SOX5: variants seen among roughly 807,000 people sequenced by gnomAD.
SOX5 encodes SRY-box transcription factor 5.
Under a neutral mutation model 92.0 loss-of-function variants are expected in SOX5, and 9 were observed. The ratio of observed to expected loss-of-function variants is 0.10; its 90% CI spans 0.06 to 0.17. SOX5 has a LOEUF of 0.17. Among genes scored for constraint, SOX5 ranks in the 10% least tolerant of loss-of-function variants. SOX5 has a pLI of 1.00. For missense variants in SOX5, 642 were observed against 944.5 expected, an observed-to-expected ratio of 0.68 and a Z score of 4.20; for synonymous variants, 344 against 336.3, an observed-to-expected ratio of 1.02 and a Z score of -0.25.
chr12:23,573,625 C>A (rs903870599), intron 10 of SOX5, among the ~76,000 whole-genome samples: 2 of 152,168 alleles, frequency 1.3e-5, no homozygotes, highest in Non-Finnish European at 2.9e-5. Context: ...TTCAAAGATA[C>A]TTTTATACTC....
chr12:23,560,155 C>T (rs781360710), intron 11 of SOX5, among the ~76,000 whole-genome samples: 6 of 152,118 alleles, frequency 3.9e-5, no homozygotes, highest in African/African-American at 7.2e-5. Context: ...GTGATCCCCC[C>T]GCCTCGGCCT....
chr12:23,814,152 G>A (rs546113808), intron 3 of SOX5, among the ~76,000 whole-genome samples: 2 of 152,272 alleles, frequency 1.3e-5, no homozygotes, highest in South Asian at 4.1e-4. Flanking sequence ...TAAAAAGAAT[G>A]AGAAAACTAG....
chr12:24,338,260 A>G (rs1456428680), intron 2 of SOX5, among the ~76,000 whole-genome samples: 16 of 152,148 alleles, frequency 1.1e-4, no homozygotes, highest in Admixed American at 1.0e-3. Context: ...ATTATTTCCT[A>G]CATTTTATAA....
At chr12:23,906,756 A>G (rs1436522742) in intron 1 of SOX5, among the ~76,000 whole-genome samples, 6 of 152,336 alleles carry the variant, frequency 3.9e-5, no homozygotes, top group Admixed American at 1.3e-4. Context: ...CATATTTAAT[A>G]TAAGTACAAT....
At chr12:24,527,086 C>T (rs1256754146) in intron 1 of SOX5, among the ~76,000 whole-genome samples, 1 of 152,136 alleles carries the variant, frequency 6.6e-6, no homozygotes, top group Non-Finnish European at 1.5e-5. Flanking sequence ...GCCACCACGC[C>T]CAGCCATATT....
At chr12:24,140,355 T>C (rs574020259) in intron 4 of SOX5, among the ~76,000 whole-genome samples, 1 of 152,252 alleles carries the variant, frequency 6.6e-6, no homozygotes, top group African/African-American at 2.4e-5. Context: ...AAAGGCATGA[T>C]GAGTGATGTG....
At chr12:24,205,014 A>G (rs888960096) in intron 4 of SOX5, among the ~76,000 whole-genome samples, 1 of 152,210 alleles carries the variant, frequency 6.6e-6, no homozygotes. Flanking sequence ...GTTGGCTTTG[A>G]TCACAACAGC....
intron 4 of SOX5, among the ~76,000 whole-genome samples, chr12:24,052,058 A>G (rs961760710): frequency 1.3e-5 from 2 of 152,126 alleles, no homozygotes; most frequent in African/African-American, 4.8e-5. Flanking sequence ...GCTATCTTCA[A>G]TAGAGCCTTA....
intron 2 of SOX5, among the ~76,000 whole-genome samples, chr12:23,881,755 A>C (rs2096992970): frequency 6.6e-6 from 1 of 152,182 alleles, no homozygotes; most frequent in Non-Finnish European, 1.5e-5. Context: ...AGGTAAGGAC[A>C]TTTTGGAGAT....
Position 23,949,658 on chromosome 12 carries a change from G to A in SOX5, c.-57C>T. 1 of 1,613,036 alleles carries A rather than the reference G, an allele frequency of 6.2e-7. No homozygotes were observed. On this transcript the variant is annotated 5_prime_UTR_variant, in exon 1 of 15. Transcript: ENST00000451604. ...CAGCCACCTATGATCGTCTCCAACT[G>A]AACCTGTCAAGTGAGTCCAAACCTT...
intron 4 of SOX5, among the ~76,000 whole-genome samples, chr12:24,063,234 TG>T (rs1332505102): frequency 6.6e-6 from 1 of 152,232 alleles, no homozygotes; most frequent in Non-Finnish European, 1.5e-5. Flanking sequence ...ACATATAGTT[TG>T]CTTCATATTT....
chr12:24,196,236 T>C (rs1388192495), intron 4 of SOX5, among the ~76,000 whole-genome samples: 1 of 152,230 alleles, frequency 6.6e-6, no homozygotes, highest in East Asian at 1.9e-4. Flanking sequence ...TTGTACTATC[T>C]GCTGTGAAGC....
intron 2 of SOX5, among the ~76,000 whole-genome samples, chr12:24,354,286 C>CA (rs951992367): frequency 2.0e-5 from 3 of 152,104 alleles, no homozygotes; most frequent in Non-Finnish European, 2.9e-5. Flanking sequence ...AAAAACAAAA[C>CA]AAAAAAATCC....
At chr12:24,345,782 A>G (rs186394649) in intron 2 of SOX5, among the ~76,000 whole-genome samples, 1 of 152,350 alleles carries the variant, frequency 6.6e-6, no homozygotes, top group Admixed American at 6.5e-5. Context: ...CACATGGATA[A>G]ACTGTGAAGC....
chr12:24,015,059 G>A (rs1022412303), intron 4 of SOX5, among the ~76,000 whole-genome samples: 1 of 151,786 alleles, frequency 6.6e-6, no homozygotes, highest in African/African-American at 2.4e-5. Flanking sequence ...GTGGAGCTAG[G>A]TTCTCTCTTT....
intron 3 of SOX5, among the ~76,000 whole-genome samples, chr12:23,767,938 A>T (rs542938567): frequency 6.6e-6 from 1 of 152,156 alleles, no homozygotes; most frequent in East Asian, 1.9e-4. Context: ...TATGATATTT[A>T]CATATAATTT....
At chr12:23,950,101 G>A (rs972212974), upstream of SOX5, among the ~76,000 whole-genome samples, 4 of 151,588 alleles carry the variant, frequency 2.6e-5, no homozygotes, top group African/African-American at 9.7e-5. Flanking sequence ...ATTTGCTGCT[G>A]ATTAAAAACC....
intron 3 of SOX5, among the ~76,000 whole-genome samples, chr12:24,226,669 T>A (rs1458535727): frequency 6.6e-6 from 1 of 151,906 alleles, no homozygotes; most frequent in Non-Finnish European, 1.5e-5. Context: ...TGGGGTTTCA[T>A]CACATTGGCC....
intron 2 of SOX5, among the ~76,000 whole-genome samples, chr12:23,861,506 C>T (rs892488439): frequency 1.3e-5 from 2 of 152,126 alleles, no homozygotes; most frequent in African/African-American, 2.4e-5. Context: ...GATGTTTCCA[C>T]TTCTACAATT....
Sources: gnomAD v4.1 joint callset for allele counts (sites outside exome capture counted in the v4.1 genomes callset) on GRCh38, gnomAD v4.1.1 for gene constraint, MANE v1.5 for transcripts, NCBI Gene and HGNC (gene_info 2026-07-23, HGNC 2026-07-21) for gene names.